Variants in CCDC102B observed in about 807,000 individuals in gnomAD.
CCDC102B encodes the protein coiled-coil domain-containing protein 102B.
A neutral mutation model predicts 57.4 loss-of-function variants in CCDC102B; 75 were observed. That is an observed-to-expected ratio of 1.31 (90% CI 1.08 to 1.58). The LOEUF is 1.58. CCDC102B is among the 40% of genes most tolerant of loss of function. The pLI is 0.00. For missense variants in CCDC102B, 636 were observed against 582.6 expected, an observed-to-expected ratio of 1.09 and a Z score of -0.94; for synonymous variants, 206 against 201.9, an observed-to-expected ratio of 1.02 and a Z score of -0.17.
At chr18:68,902,706 C>T (rs928510059) in intron 6 of CCDC102B, among the ~76,000 whole-genome samples, 1 of 152,160 alleles carries the variant, frequency 6.6e-6, no homozygotes, top group African/African-American at 2.4e-5. Flanking sequence ...TACAGTTCTT[C>T]TCTGGTCTCA....
chr18:68,819,721 C>A (rs1650034951), intron 1 of CCDC102B, among the ~76,000 whole-genome samples: 1 of 151,916 alleles, frequency 6.6e-6, no homozygotes, highest in Admixed American at 6.6e-5. Context: ...TAATATATTC[C>A]TTCACTTATT....
rs150392530 is a variant in CCDC102B, at chr18:68,861,529, C to CT, written c.937-13138dup. On this transcript the variant is annotated intron_variant, in intron 4 of 7. Transcript: ENST00000360242. ...AGATGAGACCAGAGTAGCATTTAGC[C>CT]TTGGGCTATCTTACCTACTGAGTAC... Among the ~76,000 whole-genome samples, 1,124 of 152,194 alleles carry CT rather than the reference C, an allele frequency of 7.4e-3. 15 individuals carry two copies. Among genetic ancestry groups the CT allele is most frequent in the African/African-American group, 0.025 (1,056 of 41,502 alleles).
chr18:68,748,206 G>GTATGTT lies in CCDC102B; in HGVS notation c.-67+31613_-67+31614insATGTTT, dbSNP rs758445220. ...AGGTACTTTGTCCATTATTAAACTG[G>GTATGTT]TGTGTGTGTGTGTGTGTGTGTGTGT... On this transcript the variant is annotated intron_variant, in intron 2 of 3. Coordinates refer to the CCDC102B transcript ENST00000578970. Among the ~76,000 whole-genome samples, 255 of 30,078 alleles carry GTATGTT rather than the reference G, an allele frequency of 8.5e-3. 2 individuals are homozygous for GTATGTT. Among genetic ancestry groups the GTATGTT allele is most frequent in the African/African-American group, 0.031 (241 of 7,780 alleles). The allele number at this position is 30,078 out of a possible 152,430, so 19.7% of individuals were successfully genotyped here. A position where few individuals can be genotyped will look rare whatever the true frequency, so the allele number is the denominator to read the frequency against.
intron 1 of CCDC102B, among the ~76,000 whole-genome samples, chr18:68,814,837 A>G (rs2036413331): frequency 6.6e-6 from 1 of 152,086 alleles, no homozygotes; most frequent in Admixed American, 6.5e-5. Context: ...AAAATCTCCA[A>G]TATGTTTATA....
intron 6 of CCDC102B, among the ~76,000 whole-genome samples, chr18:69,003,101 A>T (rs897809952): frequency 5.9e-5 from 9 of 151,938 alleles, no homozygotes; most frequent in East Asian, 5.8e-4. Context: ...GTCTCAAAAT[A>T]TTTTTTTTCC....
intron 6 of CCDC102B, among the ~76,000 whole-genome samples, chr18:68,928,955 G>A (rs1214950436): frequency 2.0e-5 from 3 of 151,782 alleles, no homozygotes; most frequent in South Asian, 2.1e-4. Flanking sequence ...ATGACAAAGC[G>A]GCAGAAAAGG....
At chr18:68,806,555 C>T (rs2036039917) in intron 1 of CCDC102B, among the ~76,000 whole-genome samples, 1 of 152,094 alleles carries the variant, frequency 6.6e-6, no homozygotes, top group East Asian at 1.9e-4. Flanking sequence ...ATTGCCAAAA[C>T]ATTCTGAACA....
intron 7 of CCDC102B, among the ~76,000 whole-genome samples, chr18:69,012,794 T>G (rs2051554597): frequency 6.6e-6 from 1 of 152,182 alleles, no homozygotes; most frequent in Non-Finnish European, 1.5e-5. Context: ...GTGTTTATTG[T>G]TGGAAGCCAC....
chr18:68,745,339 T>A (rs1023023459), intron 2 of CCDC102B, among the ~76,000 whole-genome samples: 1 of 152,088 alleles, frequency 6.6e-6, no homozygotes, highest in Non-Finnish European at 1.5e-5. Context: ...GGACTAAGTC[T>A]GTAAGTCAAC....
At chr18:68,932,992 T>C (rs748153244) in intron 6 of CCDC102B, among the ~76,000 whole-genome samples, 1 of 151,860 alleles carries the variant, frequency 6.6e-6, no homozygotes, top group Non-Finnish European at 1.5e-5. Context: ...ACTAAAAATA[T>C]AGTGCACATT....
intron 7 of CCDC102B, among the ~76,000 whole-genome samples, chr18:69,025,255 T>TA (rs1313156674): frequency 6.6e-6 from 1 of 152,184 alleles, no homozygotes; most frequent in Admixed American, 6.5e-5. Context: ...AGAATATAAT[T>TA]AGACAAGATC....
intron 2 of CCDC102B, 113 bp from the exon 3 acceptor site, chr18:68,838,593 T>C: frequency 6.9e-7 from 1 of 1,455,422 alleles, no homozygotes; most frequent in Non-Finnish European, 9.0e-7. Flanking sequence ...GATAATGAAA[T>C]AAAAATATGA....
At chr18:68,941,475 T>G (rs917328815) in intron 6 of CCDC102B, among the ~76,000 whole-genome samples, 6 of 152,088 alleles carry the variant, frequency 3.9e-5, no homozygotes, top group African/African-American at 1.4e-4. Context: ...GAAAATAACT[T>G]TATAAAATGT....
intron 6 of CCDC102B, among the ~76,000 whole-genome samples, chr18:68,945,965 T>G (rs1209618155): frequency 6.6e-6 from 1 of 152,094 alleles, no homozygotes. Context: ...TGTACTTATT[T>G]TCTTATTTTT....
intron 7 of CCDC102B, among the ~76,000 whole-genome samples, chr18:69,043,520 C>A (rs1170291956): frequency 1.3e-5 from 2 of 152,024 alleles, no homozygotes; most frequent in African/African-American, 4.8e-5. Context: ...GTCCCTGCGG[C>A]CTTCCTCAGT....
chr18:68,729,256 A>C (rs2030490979), intron 2 of CCDC102B, among the ~76,000 whole-genome samples: 1 of 152,236 alleles, frequency 6.6e-6, no homozygotes, highest in Non-Finnish European at 1.5e-5. Context: ...ATAACATCAC[A>C]AGATACCCGT....
intron 6 of CCDC102B, among the ~76,000 whole-genome samples, chr18:68,969,273 C>T (rs992915262): frequency 6.6e-6 from 1 of 152,138 alleles, no homozygotes; most frequent in African/African-American, 2.4e-5. Flanking sequence ...GAGGGGCCCT[C>T]GCCTGTGCTG....
intron 2 of CCDC102B, among the ~76,000 whole-genome samples, chr18:68,739,351 T>A (rs1318926628): frequency 6.6e-6 from 1 of 152,196 alleles, no homozygotes; most frequent in Non-Finnish European, 1.5e-5. Flanking sequence ...GCTCACTGTT[T>A]CATGAACAAA....
At chr18:69,002,342 C>T (rs1202032397) in intron 6 of CCDC102B, among the ~76,000 whole-genome samples, 4 of 152,194 alleles carry the variant, frequency 2.6e-5, no homozygotes, top group Non-Finnish European at 4.4e-5. Flanking sequence ...TACTCTTCAG[C>T]TGCCTAAAGA....
Sources: gnomAD v4.1 joint callset for allele counts (sites outside exome capture counted in the v4.1 genomes callset) on GRCh38, gnomAD v4.1.1 for gene constraint, MANE v1.5 for transcripts, NCBI Gene and HGNC (gene_info 2026-07-23, HGNC 2026-07-21) for gene names.